Variants in CRYZ observed in about 807,000 individuals in gnomAD.
CRYZ encodes the protein zeta-crystallin.
A neutral mutation model predicts 34.1 loss-of-function variants in CRYZ; 35 were observed. The observed-to-expected ratio is 1.03, with a 90% CI of 0.78 to 1.36. The LOEUF (loss-of-function observed/expected upper bound fraction) is 1.36, where lower values mean the gene tolerates loss of function less well. Among genes scored for constraint, CRYZ ranks in the 40% most tolerant of loss-of-function variants. The probability of loss-of-function intolerance (pLI) is 0.00; values close to 1 mark genes in which losing one functional copy is unlikely to be tolerated. For missense variants in CRYZ, 403 were observed against 391.8 expected, an observed-to-expected ratio of 1.03 and a Z score of -0.24; for synonymous variants, 137 against 136.5, an observed-to-expected ratio of 1.00 and a Z score of -0.03.
intron 3 of CRYZ, among the ~76,000 whole-genome samples, chr1:74,722,076 G>C (rs1021577210): frequency 6.6e-6 from 1 of 152,126 alleles, no homozygotes; most frequent in Non-Finnish European, 1.5e-5. Flanking sequence ...GCAACAAAAA[G>C]AGTGTATGAG....
intron 3 of CRYZ, among the ~76,000 whole-genome samples, chr1:74,719,632 A>T (rs1647128617): frequency 6.6e-6 from 1 of 151,754 alleles, no homozygotes; most frequent in Admixed American, 6.6e-5. Flanking sequence ...AGTAGCTAGG[A>T]TTACAGGCGC....
intron 5 of CRYZ, among the ~76,000 whole-genome samples, chr1:74,711,156 C>A (rs745436825): frequency 1.3e-4 from 20 of 151,988 alleles, no homozygotes; most frequent in Non-Finnish European, 2.6e-4. Context: ...ACGAAAGGGT[C>A]GAAGATGAGG....
chr1:74,706,247 G>GA lies in CRYZ; in HGVS notation c.*48dup. ...AAAGATAGGGTAAGTACAACTGGGGGAAAGACAGTACCTCTAATTACATAG... is the reference window on the plus strand; with the variant it reads ...AAAGATAGGGTAAGTACAACTGGGGGAAAAGACAGTACCTCTAATTACATAG... On this transcript the variant is annotated 3_prime_UTR_variant, in exon 9 of 9. Coordinates refer to ENST00000340866, the MANE Select transcript of CRYZ (RefSeq NM_001889.4). 1 of 1,456,808 alleles carries GA rather than the reference G, an allele frequency of 6.9e-7. No homozygotes were observed. The highest frequency in any genetic ancestry group is 1.4e-5 in the South Asian group (1 of 71,506). The allele number at this position is 1,456,808 out of a possible 1,614,324, so 90.2% of individuals were successfully genotyped here.
At chr1:74,710,404 G>A (rs1448498230) in intron 5 of CRYZ, among the ~76,000 whole-genome samples, 157 bp from the exon 6 acceptor site, 2 of 152,124 alleles carry the variant, frequency 1.3e-5, no homozygotes, top group East Asian at 3.8e-4. Context: ...AACTTTAATT[G>A]AGCATTTAAA....
At chr1:74,717,555 T>G (rs960373386) in intron 4 of CRYZ, among the ~76,000 whole-genome samples, 2 of 152,196 alleles carry the variant, frequency 1.3e-5, no homozygotes, top group Non-Finnish European at 1.5e-5. Context: ...ACTTACCCTG[T>G]GCCAGCCCCG....
intron 3 of CRYZ, among the ~76,000 whole-genome samples, chr1:74,720,079 G>A (rs188790982): frequency 2.2e-4 from 33 of 152,076 alleles, no homozygotes; most frequent in Admixed American, 1.6e-3. Flanking sequence ...GTAAACTGAG[G>A]AACAAAGAAG....
chr1:74,716,874 G>A (rs1362757730), intron 4 of CRYZ, among the ~76,000 whole-genome samples: 1 of 151,938 alleles, frequency 6.6e-6, no homozygotes, highest in Non-Finnish European at 1.5e-5. Context: ...TTCTAGCCCT[G>A]GATTAATGTT....
At chr1:74,710,281 T>C (rs1646984766) in intron 5 of CRYZ, 34 bp from the exon 6 acceptor site, 1 of 1,603,818 alleles carries the variant, frequency 6.2e-7, no homozygotes, top group East Asian at 2.2e-5. Flanking sequence ...AGTTATATAT[T>C]CTCTACACTC....
intron 1 of CRYZ, among the ~76,000 whole-genome samples, chr1:74,726,828 C>T (rs1647367402): frequency 6.6e-6 from 1 of 152,212 alleles, no homozygotes; most frequent in Non-Finnish European, 1.5e-5. Flanking sequence ...CAAGTCACCT[C>T]TTGAATGCTT....
chr1:74,724,174 G>A (rs907159116), intron 2 of CRYZ, among the ~76,000 whole-genome samples: 6 of 152,134 alleles, frequency 3.9e-5, no homozygotes, highest in Non-Finnish European at 7.3e-5. Flanking sequence ...TGTAAAGATA[G>A]GTTATATCCA....
At chr1:74,716,464 C>T (rs1341687879) in intron 4 of CRYZ, among the ~76,000 whole-genome samples, 1 of 152,000 alleles carries the variant, frequency 6.6e-6, no homozygotes, top group Non-Finnish European at 1.5e-5. Context: ...AGACCTGGCA[C>T]ATAGGCTTTC....
rs774808131 is a variant in CRYZ at position 74,706,356 on chromosome 1, C to T, written c.930G>A (p.Glu310=). The change falls in exon 9 of 9, where the codon GAG becomes GAA. Residue 310 remains glutamate (E), a synonymous_variant. Coordinates refer to ENST00000340866, the MANE Select transcript of CRYZ (RefSeq NM_001889.4). ...TACCATGAATGATATTTTCATGAGC[C>T]TCGGCCACCTTCTCCAATGGATATT... ...GSQYPLEKVA[E]AHENIIHGSG... 1.2e-6 allele frequency: 2 copies of T among 1,612,822 alleles called. No homozygotes were observed. The highest frequency in any genetic ancestry group is 4.5e-5 in the East Asian group (2 of 44,844).
intron 6 of CRYZ, chr1:74,708,027 T>A (rs1371353895): frequency 6.7e-6 from 1 of 149,824 alleles, no homozygotes; most frequent in African/African-American, 2.5e-5. Context: ...CCCTCAGGGA[T>A]GAATAGGAGT....
intron 4 of CRYZ, 132 bp downstream of exon 4, chr1:74,719,077 T>C: frequency 1.1e-6 from 1 of 870,036 alleles, no homozygotes; most frequent in Non-Finnish European, 1.8e-6. Flanking sequence ...GTTTCCATTA[T>C]ATAAATGTTT....
intron 3 of CRYZ, among the ~76,000 whole-genome samples, chr1:74,720,434 G>A (rs1050673256): frequency 2.6e-5 from 4 of 152,098 alleles, no homozygotes; most frequent in East Asian, 1.9e-4. Flanking sequence ...CAATGCCCTA[G>A]GCCAGGCATT....
At chr1:74,712,106 A>T (rs1647011889) in intron 5 of CRYZ, among the ~76,000 whole-genome samples, 1 of 152,208 alleles carries the variant, frequency 6.6e-6, no homozygotes, top group Non-Finnish European at 1.5e-5. Context: ...TTAGTATAAA[A>T]GAGAAATCAA....
At position 74,706,410 on chromosome 1, in the gene CRYZ, A is replaced by C. The variant is rs999851379; in HGVS notation, c.876T>G (p.Ile292Met). The change falls in exon 9 of 9, where the codon ATT becomes ATG. Residue 292 changes from isoleucine (I) to methionine (M), a missense_variant. Physicochemically the swap from Ile to Met is conservative, Grantham distance 10. Coordinates refer to ENST00000340866, the MANE Select transcript of CRYZ (RefSeq NM_001889.4). ...AACCTATCACAGGTTTCAACCAGCC[A>C]ATTTCCATTCCAGCTTGAAGGGCTG... ...YAAALQAGME[I>M]GWLKPVIGSQ... 1 of 1,611,774 alleles carries C rather than the reference A, an allele frequency of 6.2e-7. No individual in the cohort carries two copies.
intron 2 of CRYZ, among the ~76,000 whole-genome samples, chr1:74,724,260 T>A (rs886282545): frequency 1.3e-5 from 2 of 152,160 alleles, no homozygotes; most frequent in Admixed American, 1.3e-4. Context: ...TAAAAATACA[T>A]AATTTAAAAT....
chr1:74,711,127 G>T (rs1382735890), intron 5 of CRYZ, among the ~76,000 whole-genome samples: 1 of 152,168 alleles, frequency 6.6e-6, no homozygotes, highest in Admixed American at 6.5e-5. Context: ...GGGGCAGTGT[G>T]TCTCAGGGAG....
Sources: gnomAD v4.1 joint callset for allele counts (sites outside exome capture counted in the v4.1 genomes callset) on GRCh38, gnomAD v4.1.1 for gene constraint, MANE v1.5 for transcripts, NCBI Gene and HGNC (gene_info 2026-07-23, HGNC 2026-07-21) for gene names.